The following SLC6A9 variants were observed in gnomAD, a reference collection of about 807,000 sequenced individuals.
SLC6A9 encodes solute carrier family 6 member 9.
Under a neutral mutation model 70.9 loss-of-function variants are expected in SLC6A9, and 31 were observed. The observed-to-expected ratio is 0.44, with a 90% CI of 0.33 to 0.59. The LOEUF is 0.59. SLC6A9 is among the 20% of genes least tolerant of loss of function. The pLI is 0.04. For missense variants in SLC6A9, 631 were observed against 845.2 expected, an observed-to-expected ratio of 0.75 and a Z score of 3.14; for synonymous variants, 310 against 341.3, an observed-to-expected ratio of 0.91 and a Z score of 1.01.
At chr1:44,001,923 A>G (rs1451405388) in intron 8 of SLC6A9, among the ~76,000 whole-genome samples, 1 of 152,192 alleles carries the variant, frequency 6.6e-6, no homozygotes, top group Admixed American at 6.5e-5. Context: ...ATAAAGAAAG[A>G]TGGGGTCTCA....
intron 12 of SLC6A9, among the ~76,000 whole-genome samples, chr1:43,999,220 T>C (rs2085998551): frequency 6.6e-6 from 1 of 151,590 alleles, no homozygotes; most frequent in African/African-American, 2.4e-5. Context: ...TTCAGAAATA[T>C]GAAAAAGGAA....
chr1:44,017,373 A>G, intron 2 of SLC6A9: 1 of 422,250 alleles, frequency 2.4e-6, no homozygotes, highest in Non-Finnish European at 2.9e-6. Context: ...GGAACAACAC[A>G]CACACACACA....
chr1:44,007,852 G>T (rs1217446036), intron 5 of SLC6A9, among the ~76,000 whole-genome samples: 1 of 151,356 alleles, frequency 6.6e-6, no homozygotes, highest in African/African-American at 2.4e-5. Context: ...ACTCTGTAAA[G>T]ATCCTGCAAC....
Position 44,000,670 on chromosome 1 carries a change from G to C in SLC6A9, c.1536+97C>G, listed in dbSNP as rs1029927339. The C allele has an allele frequency of 1.0e-5, 8 of 786,748 alleles. No individual in the cohort carries two copies. The African/African-American group carries it at 1.4e-4, about 14-fold the overall frequency. 48.7% of individuals were successfully genotyped at this position (786,748 alleles called of 1,614,324 possible). A position where few individuals can be genotyped will look rare whatever the true frequency, so the allele number is the denominator to read the frequency against. ...AGTCATGGGTATGGAGCTCCGGCCA[G>C]GTGCGGGAGCTCCCACTGTCCCTCC... On this transcript the variant is annotated intron_variant, in intron 12 of 13. Coordinates refer to ENST00000372310, the MANE Select transcript of SLC6A9 (RefSeq NM_001024845.3).
At chr1:44,012,408 G>A (rs1465653487) in intron 2 of SLC6A9, among the ~76,000 whole-genome samples, 3 of 152,234 alleles carry the variant, frequency 2.0e-5, no homozygotes, top group East Asian at 1.9e-4. Flanking sequence ...CGACCCTGCC[G>A]AGATGTGATC....
At chr1:44,029,606 C>CTG (rs2087054983) in intron 1 of SLC6A9, among the ~76,000 whole-genome samples, 2 of 152,182 alleles carry the variant, frequency 1.3e-5, no homozygotes, top group African/African-American at 4.8e-5. Context: ...AGCCTTCCTA[C>CTG]TGTACCCCCA....
intron 2 of SLC6A9, among the ~76,000 whole-genome samples, chr1:44,022,718 C>CTTTT (rs777966364): frequency 0.12 from 7,074 of 58,752 alleles, 311 homozygotes; most frequent in East Asian, 0.33. Flanking sequence ...TTCTTTCTTT[C>CTTTT]TTTCTTTTTT....
Position 44,018,597 on chromosome 1 carries a change from A to ACAT in SLC6A9, c.30+5650_30+5651insATG, listed in dbSNP as rs1478635217. 1.4e-5 allele frequency among the ~76,000 whole-genome samples: 2 copies of ACAT among 142,292 alleles called. No homozygotes were observed. The highest frequency in any genetic ancestry group is 5.2e-5 in the African/African-American group (2 of 38,150). 93.3% of individuals were successfully genotyped at this position (142,292 alleles called of 152,430 possible). A position where few individuals can be genotyped will look rare whatever the true frequency, so the allele number is the denominator to read the frequency against. ...CAGCAAGAGCAAAACTCTCTCTCTA[A>ACAT]AATAATAATAATAATAATAATAATA... is the stretch of plus-strand genomic sequence containing the variant. On this transcript the variant is annotated intron_variant, in intron 2 of 13. Coordinates refer to ENST00000372310, the MANE Select transcript of SLC6A9 (RefSeq NM_001024845.3). This position sits in a 1 kb window ranked among gnomAD's most constrained non-coding sequence, Gnocchi z 4.2.
intron 1 of SLC6A9, among the ~76,000 whole-genome samples, chr1:44,026,719 G>C (rs1267539241): frequency 6.6e-6 from 1 of 152,084 alleles, no homozygotes; most frequent in Non-Finnish European, 1.5e-5. Flanking sequence ...AAGCCCGCTG[G>C]TCAGGTAAGT....
rs1426089564 is a variant in SLC6A9 at position 44,002,713 on chromosome 1, C to T, written c.724-67G>A. ...TCCCCTGGGCACCACCACCCTGGCT[C>T]CCTAATCACCACCAGCCCCCTGGTC... On this transcript the variant is annotated intron_variant, in intron 6 of 13. Transcript: ENST00000372310. This position sits in a 1 kb window ranked among gnomAD's most constrained non-coding sequence, Gnocchi z 5.5. The T allele has an allele frequency of 6.2e-7, 1 of 1,602,720 alleles. No individual in the cohort carries two copies. The highest frequency in any genetic ancestry group is 8.5e-7 in the Non-Finnish European group (1 of 1,170,782).
chr1:44,000,668 C>T (rs2086056507), intron 12 of SLC6A9, 99 bp downstream of exon 12: 3 of 775,270 alleles, frequency 3.9e-6, no homozygotes, highest in South Asian at 3.4e-5. Context: ...GAGCTCCGGC[C>T]AGGTGCGGGA....
intron 12 of SLC6A9, among the ~76,000 whole-genome samples, chr1:43,999,796 G>A (rs1238687647): frequency 6.6e-6 from 1 of 152,166 alleles, no homozygotes; most frequent in Non-Finnish European, 1.5e-5. Context: ...ACAAGAGTGT[G>A]GCTCTGAACA....
intron 5 of SLC6A9, among the ~76,000 whole-genome samples, chr1:44,005,554 C>T (rs2086278079): frequency 6.6e-6 from 1 of 152,162 alleles, no homozygotes; most frequent in South Asian, 2.1e-4. Flanking sequence ...GTGGACTAAA[C>T]ACCTGCACAG....
rs1023257212 is a variant in SLC6A9, at chr1:44,002,741, T to A, written c.724-95A>T. On this transcript the variant is annotated intron_variant, in intron 6 of 13. Transcript: ENST00000372310. The surrounding 1 kb of genome is among the most constrained non-coding windows in gnomAD (Gnocchi z 5.5). ...TAATCACCACCAGCCCCCTGGTCCC[T>A]CTCCGGCTCCGGAGTCCCTTCAGCA... 5.6e-6 allele frequency: 9 copies of A among 1,593,240 alleles called. No individual in the cohort carries two copies. The Admixed American group carries it at 6.7e-5, about 12-fold the overall frequency.
intron 2 of SLC6A9, among the ~76,000 whole-genome samples, chr1:44,015,090 C>A (rs965446335): frequency 6.6e-6 from 1 of 152,044 alleles, no homozygotes; most frequent in Non-Finnish European, 1.5e-5. Flanking sequence ...CAATTTTGCC[C>A]TTTTTTTTCC....
At chr1:44,005,326 G>A (rs1007753860) in intron 5 of SLC6A9, among the ~76,000 whole-genome samples, 2 of 152,234 alleles carry the variant, frequency 1.3e-5, no homozygotes, top group African/African-American at 4.8e-5. Flanking sequence ...AGGGAGGGGA[G>A]GACCCTGAGT....
intron 2 of SLC6A9, chr1:44,011,587 C>T: frequency 3.7e-6 from 6 of 1,613,926 alleles, no homozygotes; most frequent in Non-Finnish European, 5.1e-6. Context: ...GAGTGCTGGG[C>T]CATGAGTTGG....
chr1:44,003,521 C>T (rs2086197848), intron 5 of SLC6A9, among the ~76,000 whole-genome samples: 1 of 152,108 alleles, frequency 6.6e-6, no homozygotes, highest in Admixed American at 6.6e-5. Context: ...CTTTGGGAGG[C>T]CGTGGTGGGT....
chr1:44,010,348 G>A (rs960524316), intron 3 of SLC6A9: 2 of 496,860 alleles, frequency 4.0e-6, no homozygotes, highest in Admixed American at 6.8e-5. Flanking sequence ...GGGATTTGAT[G>A]GTTTAAACAA....
Sources: gnomAD v4.1 joint callset for allele counts (sites outside exome capture counted in the v4.1 genomes callset) on GRCh38, gnomAD v4.1.1 for gene constraint, Gnocchi (gnomAD v3.1) non-coding constraint, MANE v1.5 for transcripts, NCBI Gene and HGNC (gene_info 2026-07-23, HGNC 2026-07-21) for gene names.